Variants in CSNK1G2 observed in about 807,000 individuals in gnomAD.
The protein encoded by CSNK1G2 is casein kinase I isoform gamma-2.
CSNK1G2 carries 11 observed loss-of-function variants against 48.0 expected under a neutral mutation model. The ratio of observed to expected loss-of-function variants is 0.23; its 90% CI spans 0.14 to 0.38. CSNK1G2 has a LOEUF of 0.38. Among genes scored for constraint, CSNK1G2 ranks in the 10% least tolerant of loss-of-function variants. The pLI, the probability that CSNK1G2 is intolerant of heterozygous loss-of-function variation, is 1.00. For synonymous variants in CSNK1G2, 337 were observed against 254.1 expected (o/e 1.33, Z -3.10); for missense variants, 446 against 595.5 (o/e 0.75, Z 2.61).
chr19:1,941,608 A>G (rs567228684), intron 1 of CSNK1G2, among the ~76,000 whole-genome samples, 190 bp downstream of exon 1: 2,109 of 61,380 alleles, frequency 0.034, 77 homozygotes, highest in African/African-American at 0.12. Context: ...CCCCACACTC[A>G]GGGCCCCACC....
At chr19:1,958,809 C>T (rs189398986) in intron 1 of CSNK1G2, among the ~76,000 whole-genome samples, 38 of 54,190 alleles carry the variant, frequency 7.0e-4, no homozygotes, top group East Asian at 2.0e-3. Flanking sequence ...CCGCAGCAGC[C>T]CAGCTCTCCC....
Position 1,957,991 on chromosome 19 carries a change from T to C in CSNK1G2, c.-265-11517T>C, listed in dbSNP as rs1453098382. Among the ~76,000 whole-genome samples, 1 of 152,170 alleles carries C rather than the reference T, an allele frequency of 6.6e-6. No individual in the cohort carries two copies. The highest frequency in any genetic ancestry group is 1.9e-4 in the East Asian group (1 of 5,168). On this transcript the variant is annotated intron_variant, in intron 1 of 11. Transcript: ENST00000255641. The surrounding 1 kb of genome is among the most constrained non-coding windows in gnomAD (Gnocchi z 5.4). The stretch of plus-strand genomic sequence containing the variant: ...CGTGTGCAGGGAGGGGTTGGAGGTG[T>C]GCGCTTGTCTTGTCCGGAAGCCGGG...
chr19:1,955,384 G>A (rs1022068837), intron 1 of CSNK1G2, among the ~76,000 whole-genome samples: 8 of 152,192 alleles, frequency 5.3e-5, no homozygotes, highest in African/African-American at 1.2e-4. Flanking sequence ...GTGGGCTAGC[G>A]GCCACCGTGG....
At chr19:1,952,144 G>A (rs1403036661) in intron 1 of CSNK1G2, among the ~76,000 whole-genome samples, 2 of 152,202 alleles carry the variant, frequency 1.3e-5, no homozygotes, top group Non-Finnish European at 2.9e-5. Flanking sequence ...TGTGTGAAAG[G>A]GGTCGTGATG....
In CSNK1G2 at chr19:1,970,878, C is replaced by T. The variant is rs374003921; in HGVS notation, c.187+919C>T. On this transcript the variant is annotated intron_variant, in intron 2 of 11. Transcript: ENST00000255641. ...CAGTGGATCGGCCTCACGTGGGCACCCATGGCAGGCGGTGCCCATGGCACC... is the reference window on the plus strand; with the variant it reads ...CAGTGGATCGGCCTCACGTGGGCACTCATGGCAGGCGGTGCCCATGGCACC... 8.1e-3 allele frequency among the ~76,000 whole-genome samples: 1,231 copies of T among 151,352 alleles called. 9 individuals are homozygous for T. The highest frequency in any genetic ancestry group is 0.013 in the Non-Finnish European group (850 of 67,688).
At chr19:1,961,633 C>T (rs999876717) in intron 1 of CSNK1G2, among the ~76,000 whole-genome samples, 1 of 152,188 alleles carries the variant, frequency 6.6e-6, no homozygotes, top group Non-Finnish European at 1.5e-5. Context: ...CGCCCAGTCC[C>T]TGTGCTGGAA....
intron 2 of CSNK1G2, chr19:1,974,776 G>C (rs2015695394): frequency 6.6e-6 from 1 of 152,188 alleles, no homozygotes; most frequent in Non-Finnish European, 1.5e-5. Context: ...TGGACCTTTT[G>C]GGTTCTCAGC....
At chr19:1,970,076 C>T in intron 2 of CSNK1G2, 117 bp downstream of exon 2, 7 of 754,018 alleles carry the variant, frequency 9.3e-6, no homozygotes, top group Non-Finnish European at 1.1e-5. Context: ...GGGGCCGCCC[C>T]ATGTCACTGG....
At chr19:1,955,823 C>T (rs574338606) in intron 1 of CSNK1G2, among the ~76,000 whole-genome samples, 10 of 152,188 alleles carry the variant, frequency 6.6e-5, no homozygotes, top group Non-Finnish European at 1.3e-4. Flanking sequence ...CTCTGCAGGG[C>T]ACAGTGGGGT....
Position 1,974,505 on chromosome 19 carries a change from A to G in CSNK1G2, c.188-3800A>G, listed in dbSNP as rs574315656. On this transcript the variant is annotated intron_variant, in intron 2 of 11. Coordinates refer to ENST00000255641, the MANE Select transcript of CSNK1G2 (RefSeq NM_001319.7). ...GACCCTTGGGGGGTGCATCAAAGAC[A>G]CAGCACTGTGTGGAGTGACGTCTGT... Among the ~76,000 whole-genome samples, 6 of 152,252 alleles carry G rather than the reference A, an allele frequency of 3.9e-5. No individual in the cohort carries two copies. The South Asian group carries it at 1.0e-3, about 26-fold the overall frequency.
rs2015958639 is a variant in CSNK1G2, at chr19:1,980,714, C to T, written c.*511C>T. ...CAGGCCCTCCTGGGAGGGGGACAGG[C>T]ATTGTTGCCAGGGGTGAGGCCGTGC... On this transcript the variant is annotated 3_prime_UTR_variant, in exon 12 of 12. Coordinates refer to ENST00000255641, the MANE Select transcript of CSNK1G2 (RefSeq NM_001319.7). The T allele has an allele frequency of 1.2e-5, 2 of 162,702 alleles. No individual in the cohort carries two copies. Among genetic ancestry groups the T allele is most frequent in the South Asian group, 3.0e-4 (2 of 6,640 alleles). 10.1% of individuals were successfully genotyped at this position (162,702 alleles called of 1,614,324 possible).
intron 1 of CSNK1G2, chr19:1,953,382 T>C (rs765658564): frequency 1.3e-5 from 7 of 533,942 alleles, no homozygotes; most frequent in African/African-American, 1.2e-4. Context: ...GGGGGTGTTC[T>C]CACTTCCCCC....
intron 1 of CSNK1G2, among the ~76,000 whole-genome samples, chr19:1,962,472 G>A (rs930934751): frequency 6.0e-5 from 9 of 150,988 alleles, no homozygotes; most frequent in African/African-American, 2.2e-4. Flanking sequence ...TTTGAGACCA[G>A]CCTAGGCAAC....
chr19:1,968,445 C>T (rs913000211), intron 1 of CSNK1G2, among the ~76,000 whole-genome samples: 1 of 152,210 alleles, frequency 6.6e-6, no homozygotes, highest in Non-Finnish European at 1.5e-5. Context: ...TGAGACTGGG[C>T]TCCATGCCAG....
intron 1 of CSNK1G2, among the ~76,000 whole-genome samples, chr19:1,955,462 C>T (rs1396046634): frequency 2.6e-5 from 4 of 152,178 alleles, no homozygotes; most frequent in Admixed American, 6.5e-5. Flanking sequence ...GGGTCAGCGC[C>T]CCCCACTGAG....
In CSNK1G2 at chr19:1,980,407, A is replaced by C. The variant is rs2015945236; in HGVS notation, c.*204A>C. The C allele has an allele frequency of 1.5e-6, 1 of 647,526 alleles. No individual in the cohort carries two copies. The allele number at this position is 647,526 out of a possible 1,614,324, so 40.1% of individuals were successfully genotyped here. A position where few individuals can be genotyped will look rare whatever the true frequency, so the allele number is the denominator to read the frequency against. On this transcript the variant is annotated 3_prime_UTR_variant, in exon 12 of 12. Transcript: ENST00000255641. ...CTTCCTTCATGTAAGACTTTGGCCGAAATTTCTACACCTGTGTCTAGTCCT... is the reference window on the plus strand; with the variant it reads ...CTTCCTTCATGTAAGACTTTGGCCGCAATTTCTACACCTGTGTCTAGTCCT...
chr19:1,964,274 C>G (rs7250606), intron 1 of CSNK1G2, among the ~76,000 whole-genome samples: 29,025 of 149,506 alleles, frequency 0.19, 4,844 homozygotes, highest in African/African-American at 0.46. Context: ...GCCTGGGTGA[C>G]AGAGTGAGAC....
intron 1 of CSNK1G2, among the ~76,000 whole-genome samples, chr19:1,945,431 G>A (rs2014519792): frequency 6.6e-6 from 1 of 152,224 alleles, no homozygotes; most frequent in South Asian, 2.1e-4. Flanking sequence ...CCCTGCCCAG[G>A]GATCCCTCCT....
rs528458283 is a variant in CSNK1G2 at position 1,980,656 on chromosome 19, C to T, written c.*453C>T. On this transcript the variant is annotated 3_prime_UTR_variant, in exon 12 of 12. Transcript: ENST00000255641. ...CGTTTTCTCGAGGGGAGGGCAGGCCCGGCCTGGAGGGGTGCTGTGGAGCTG... is the reference window on the plus strand; with the variant it reads ...CGTTTTCTCGAGGGGAGGGCAGGCCTGGCCTGGAGGGGTGCTGTGGAGCTG... 110 of 213,666 alleles carry T rather than the reference C, an allele frequency of 5.1e-4. 1 individual carries two copies. The highest frequency in any genetic ancestry group is 2.3e-3 in the African/African-American group (99 of 42,148). The allele number at this position is 213,666 out of a possible 1,614,324, so 13.2% of individuals were successfully genotyped here. A position where few individuals can be genotyped will look rare whatever the true frequency, so the allele number is the denominator to read the frequency against.
Sources: allele counts gnomAD v4.1 joint callset (sites outside exome capture counted in the v4.1 genomes callset), GRCh38; gene constraint gnomAD v4.1.1; non-coding constraint Gnocchi (gnomAD v3.1); transcripts MANE v1.5; gene names NCBI Gene and HGNC (gene_info 2026-07-23, HGNC 2026-07-21).